Variants in LOC128706666 observed in about 807,000 individuals in gnomAD.
At chr20:10,427,980 G>GT in the LOC128706666 span, among the ~76,000 whole-genome samples, 4 of 152,192 alleles carry the variant, frequency 2.6e-5, no homozygotes, top group Non-Finnish European at 5.9e-5. Context: ...ACAGGTATGC[G>GT]TAAGTATCTT....
the LOC128706666 span, among the ~76,000 whole-genome samples, chr20:10,423,698 G>T: frequency 6.6e-6 from 1 of 152,114 alleles, no homozygotes; most frequent in Non-Finnish European, 1.5e-5. Flanking sequence ...AAAGATAAAA[G>T]AAATGCTCAA....
the LOC128706666 span, among the ~76,000 whole-genome samples, chr20:10,427,288 G>A: frequency 1.3e-5 from 2 of 152,118 alleles, no homozygotes; most frequent in South Asian, 2.1e-4. Flanking sequence ...CTTGCTGGGC[G>A]CCATCTGCTG....
chr20:10,415,042 A>T, the LOC128706666 span, among the ~76,000 whole-genome samples: 1 of 152,230 alleles, frequency 6.6e-6, no homozygotes, highest in Admixed American at 6.5e-5. Flanking sequence ...AATGTTATAT[A>T]TCAAAAGGAC....
At chr20:10,415,692 A>G in the LOC128706666 span, among the ~76,000 whole-genome samples, 1 of 151,894 alleles carries the variant, frequency 6.6e-6, no homozygotes, top group Non-Finnish European at 1.5e-5. Context: ...TAAAACTTAC[A>G]TACACACCCC....
chr20:10,428,207 T>G, the LOC128706666 span, among the ~76,000 whole-genome samples: 1 of 152,204 alleles, frequency 6.6e-6, no homozygotes, highest in Non-Finnish European at 1.5e-5. Context: ...TAGAGTTGTC[T>G]GAGAATCCTG....
chr20:10,420,897 G>GCA, the LOC128706666 span: 1 of 152,124 alleles, frequency 6.6e-6, no homozygotes, highest in African/African-American at 2.4e-5. Context: ...ATAATACATT[G>GCA]CAATGTTAAT....
At chr20:10,433,744 A>T in the LOC128706666 span, among the ~76,000 whole-genome samples, 2 of 152,138 alleles carry the variant, frequency 1.3e-5, no homozygotes, top group East Asian at 3.9e-4. Flanking sequence ...CCAGACAGTC[A>T]GGGGCACACG....
the LOC128706666 span, among the ~76,000 whole-genome samples, chr20:10,422,045 TC>T: frequency 3.3e-5 from 5 of 152,104 alleles, no homozygotes; most frequent in Non-Finnish European, 7.4e-5. Context: ...AATTTCTTAT[TC>T]CCCCTTTTAA....
chr20:10,427,653 C>A, the LOC128706666 span, among the ~76,000 whole-genome samples: 1 of 152,188 alleles, frequency 6.6e-6, no homozygotes, highest in East Asian at 1.9e-4. Flanking sequence ...AAAGACTGCA[C>A]GTGGTCTTCA....
chr20:10,422,184 C>A, the LOC128706666 span, among the ~76,000 whole-genome samples: 1 of 152,100 alleles, frequency 6.6e-6, no homozygotes, highest in African/African-American at 2.4e-5. Context: ...TAAATCATTT[C>A]TCCCAAAGGT....
chr20:10,425,712 C>T, the LOC128706666 span, among the ~76,000 whole-genome samples: 1 of 152,296 alleles, frequency 6.6e-6, no homozygotes, highest in East Asian at 1.9e-4. Context: ...ATTTGATGAG[C>T]AGTAACTGGT....
chr20:10,429,634 T>C, the LOC128706666 span, among the ~76,000 whole-genome samples: 2 of 152,228 alleles, frequency 1.3e-5, no homozygotes. Flanking sequence ...TTCAGAAATC[T>C]GGATATACTG....
the LOC128706666 span, among the ~76,000 whole-genome samples, chr20:10,414,867 C>A: frequency 6.6e-6 from 1 of 152,108 alleles, no homozygotes; most frequent in Admixed American, 6.5e-5. Context: ...TATCATTTTA[C>A]GTTATCAATC....
the LOC128706666 span, among the ~76,000 whole-genome samples, chr20:10,430,363 A>G: frequency 6.6e-6 from 1 of 152,210 alleles, no homozygotes; most frequent in Non-Finnish European, 1.5e-5. Context: ...TGTGTGTACA[A>G]TGTGAATAAT....
the LOC128706666 span, among the ~76,000 whole-genome samples, chr20:10,415,760 AAT>A: frequency 6.6e-6 from 1 of 152,246 alleles, no homozygotes; most frequent in Non-Finnish European, 1.5e-5. Flanking sequence ...TTCAATACTT[AAT>A]AGTGTCATGT....
At chr20:10,415,221 CGTTA>C in the LOC128706666 span, among the ~76,000 whole-genome samples, 1 of 152,024 alleles carries the variant, frequency 6.6e-6, no homozygotes, top group Admixed American at 6.6e-5. Context: ...GTATATTATT[CGTTA>C]GTATTTCCAG....
At chr20:10,418,078 TAA>T in the LOC128706666 span, among the ~76,000 whole-genome samples, 1 of 152,326 alleles carries the variant, frequency 6.6e-6, no homozygotes, top group Admixed American at 6.5e-5. Context: ...AAATTGTAGG[TAA>T]AGAGTCACTG....
the LOC128706666 span, among the ~76,000 whole-genome samples, chr20:10,429,134 A>G: frequency 8.9e-3 from 1,352 of 152,268 alleles, 24 homozygotes; most frequent in African/African-American, 0.031. Context: ...ATCTTTTCCT[A>G]GTCACTTCCC....
At chr20:10,413,821 G>T in the LOC128706666 span, 1 of 506,180 alleles carries the variant, frequency 2.0e-6, no homozygotes, top group African/African-American at 1.9e-5. Flanking sequence ...GTTCCAAGAT[G>T]GACACCTATG....
Sources: allele counts gnomAD v4.1 joint callset (sites outside exome capture counted in the v4.1 genomes callset), GRCh38; gene constraint gnomAD v4.1.1; transcripts MANE v1.5.